Variants in ERG observed in about 807,000 individuals in gnomAD.
ERG encodes ETS transcription factor ERG.
Under a neutral mutation model 55.3 loss-of-function variants are expected in ERG, and 9 were observed. The observed-to-expected ratio is 0.16, with a 90% CI of 0.10 to 0.28. The LOEUF is 0.28. Ranked by LOEUF, ERG falls within the 10% of genes least tolerant of loss-of-function variation. ERG has a pLI of 1.00. For missense variants in ERG, 434 were observed against 631.6 expected (o/e 0.69, Z 3.35); for synonymous variants, 223 against 237.3 (o/e 0.94, Z 0.55).
intron 1 of ERG, among the ~76,000 whole-genome samples, chr21:38,464,155 T>C (rs932232633): frequency 1.3e-5 from 2 of 152,246 alleles, no homozygotes; most frequent in African/African-American, 4.8e-5. Flanking sequence ...CAACTATTTG[T>C]TAATATGTTA....
At chr21:38,651,115 TG>T (rs2060486286) in intron 1 of ERG, among the ~76,000 whole-genome samples, 1 of 152,254 alleles carries the variant, frequency 6.6e-6, no homozygotes, top group South Asian at 2.1e-4. Context: ...CACAGAGTTT[TG>T]GCCTGAAATT....
At chr21:38,473,309 G>C (rs1321189560) in intron 1 of ERG, among the ~76,000 whole-genome samples, 1 of 152,036 alleles carries the variant, frequency 6.6e-6, no homozygotes, top group Admixed American at 6.6e-5. Flanking sequence ...GCTTCCGTGG[G>C]ATCCTCTGTC....
At chr21:38,568,461 G>A (rs2059936958) in intron 2 of ERG, among the ~76,000 whole-genome samples, 1 of 152,132 alleles carries the variant, frequency 6.6e-6, no homozygotes. Flanking sequence ...GTAACAGGTG[G>A]AGCCAAGCTT....
At chr21:38,463,834 C>T (rs1393857933) in intron 1 of ERG, among the ~76,000 whole-genome samples, 5 of 152,174 alleles carry the variant, frequency 3.3e-5, no homozygotes, top group Non-Finnish European at 5.9e-5. Flanking sequence ...TGGGATGCCC[C>T]GTCCAGAGTT....
At chr21:38,513,553 CCTT>C (rs1006012265) in intron 2 of ERG, among the ~76,000 whole-genome samples, 2 of 152,258 alleles carry the variant, frequency 1.3e-5, no homozygotes, top group Admixed American at 1.3e-4. Context: ...AATATAAAAT[CCTT>C]CTGATTAGAG....
chr21:38,380,470 T>C lies in ERG; in HGVS notation c.*2933A>G. On this transcript the variant is annotated 3_prime_UTR_variant, in exon 10 of 10. Coordinates refer to ENST00000288319, the MANE Select transcript of ERG (RefSeq NM_182918.4). ...CCACATACAAGGCCCGAAAGCCAAT[T>C]GAAGACAAGAAAAGAAGACAAATCT... 6.6e-6 allele frequency: 7 copies of C among 1,064,770 alleles called. No homozygotes were observed. Among genetic ancestry groups the C allele is most frequent in the Non-Finnish European group, 8.0e-6 (7 of 879,022 alleles). The allele number at this position is 1,064,770 out of a possible 1,614,324, so 66.0% of individuals were successfully genotyped here.
intron 1 of ERG, among the ~76,000 whole-genome samples, chr21:38,464,248 C>T (rs1256609767): frequency 6.6e-6 from 1 of 152,128 alleles, no homozygotes; most frequent in East Asian, 1.9e-4. Flanking sequence ...AATTACCATG[C>T]CTTCTGGTTT....
chr21:38,468,383 T>C (rs2146614187), intron 1 of ERG, among the ~76,000 whole-genome samples: 1 of 152,366 alleles, frequency 6.6e-6, no homozygotes, highest in East Asian at 1.9e-4. Flanking sequence ...ATGCATACTG[T>C]AAACTTATTT....
intron 2 of ERG, among the ~76,000 whole-genome samples, chr21:38,429,073 T>G (rs1989980385): frequency 6.6e-6 from 1 of 152,162 alleles, no homozygotes; most frequent in Non-Finnish European, 1.5e-5. Flanking sequence ...AAGTCCACTG[T>G]ATCATTCTTA....
Position 38,380,405 on chromosome 21 carries a change from G to C in ERG, c.*2998C>G, listed in dbSNP as rs541550020. The C allele has an allele frequency of 1.6e-5, 17 of 1,062,444 alleles. No individual in the cohort carries two copies. In the African/African-American group the frequency reaches 2.1e-4, roughly 13 times the overall value. The allele number at this position is 1,062,444 out of a possible 1,614,324, so 65.8% of individuals were successfully genotyped here. ...TCCGGGACATAAGGGCATCAAACTA[G>C]GAACAAAAACACAGTCTTGACTGTG... On this transcript the variant is annotated 3_prime_UTR_variant, in exon 10 of 10. Transcript: ENST00000288319.
At chr21:38,389,224 G>C (rs942964817) in intron 9 of ERG, among the ~76,000 whole-genome samples, 2 of 152,128 alleles carry the variant, frequency 1.3e-5, no homozygotes, top group African/African-American at 4.8e-5. Context: ...ACAGAGTCAG[G>C]TTTCTAACCT....
chr21:38,555,445 T>A (rs1177954136), intron 2 of ERG, among the ~76,000 whole-genome samples: 3 of 152,124 alleles, frequency 2.0e-5, no homozygotes, highest in African/African-American at 7.2e-5. Context: ...ATATTATTAT[T>A]TAATAGAAAA....
intron 2 of ERG, among the ~76,000 whole-genome samples, chr21:38,432,147 TAC>T (rs1209246417): frequency 5.3e-5 from 8 of 152,162 alleles, no homozygotes; most frequent in Admixed American, 5.2e-4. Context: ...CAGGCTGGAG[TAC>T]AGAGGTATGA....
At chr21:38,439,649 T>C (rs930282099) in intron 2 of ERG, among the ~76,000 whole-genome samples, 4 of 152,362 alleles carry the variant, frequency 2.6e-5, no homozygotes, top group East Asian at 3.9e-4. Context: ...AGAATGCTGC[T>C]GTTTGATCTG....
chr21:38,628,753 C>T (rs571305966), intron 1 of ERG, among the ~76,000 whole-genome samples: 1 of 152,218 alleles, frequency 6.6e-6, no homozygotes, highest in Non-Finnish European at 1.5e-5. Flanking sequence ...AGAATCACAC[C>T]TTTCGTGCTC....
At chr21:38,654,882 A>C (rs2060509723) in intron 1 of ERG, among the ~76,000 whole-genome samples, 1 of 152,178 alleles carries the variant, frequency 6.6e-6, no homozygotes, top group Non-Finnish European at 1.5e-5. Context: ...GCAGGCTCAC[A>C]TCAGCTTTGT....
At chr21:38,393,142 T>C (rs1388587139) in intron 6 of ERG, among the ~76,000 whole-genome samples, 4 of 152,226 alleles carry the variant, frequency 2.6e-5, no homozygotes, top group African/African-American at 4.8e-5. Context: ...CCACAGCCCA[T>C]TAATGATGAC....
chr21:38,505,658 G>T (rs2059455007), intron 2 of ERG, among the ~76,000 whole-genome samples: 6 of 152,202 alleles, frequency 3.9e-5, no homozygotes, highest in Admixed American at 3.9e-4. Context: ...AGCCGATAGG[G>T]ATAAATCATG....
chr21:38,471,084 G>A (rs555098687), intron 1 of ERG: 1 of 152,322 alleles, frequency 6.6e-6, no homozygotes, highest in African/African-American at 2.4e-5. Flanking sequence ...TAAGATTAGA[G>A]ATTTTGTAAA....
Sources: gnomAD v4.1 joint callset for allele counts (sites outside exome capture counted in the v4.1 genomes callset) on GRCh38, gnomAD v4.1.1 for gene constraint, MANE v1.5 for transcripts, NCBI Gene and HGNC (gene_info 2026-07-23, HGNC 2026-07-21) for gene names.